FAM234A: variants seen among roughly 807,000 people sequenced by gnomAD.
FAM234A encodes the protein family with sequence similarity 234 member A, also known as protein FAM234A.
A neutral mutation model predicts 49.1 loss-of-function variants in FAM234A; 42 were observed. The observed-to-expected ratio is 0.86, with a 90% CI of 0.67 to 1.11. The LOEUF (loss-of-function observed/expected upper bound fraction) is 1.11. Among genes scored for constraint, FAM234A ranks in the 50% least tolerant of loss-of-function variants. The pLI, the probability that FAM234A is intolerant of heterozygous loss-of-function variation, is 0.00. For synonymous variants in FAM234A, 369 were observed against 316.2 expected (o/e 1.17, Z -1.77); for missense variants, 815 against 745.2 (o/e 1.09, Z -1.09).
At chr16:262,291 C>G in intron 7 of FAM234A, 66 bp downstream of exon 7, 1 of 1,593,218 alleles carries the variant, frequency 6.3e-7, no homozygotes, top group Non-Finnish European at 8.6e-7. Flanking sequence ...TGCGGCTCCT[C>G]AGGTCCTGCT....
intron 1 of FAM234A, among the ~76,000 whole-genome samples, chr16:245,936 G>A (rs962523161): frequency 6.6e-6 from 1 of 152,114 alleles, no homozygotes; most frequent in Non-Finnish European, 1.5e-5. Context: ...GCCAGGCGCA[G>A]TGGCTCACGC....
At position 263,301 on chromosome 16, in the gene FAM234A, C is replaced by T. The variant is rs545859450; in HGVS notation, c.1011C>T (p.Asn337=). ...GCTACCTGATGCATGTCCCAGGGAA[C>T]GCCGGTGCAGATGTGCTTCTTGTGG... is the stretch of plus-strand genomic sequence containing the variant. The part of the protein sequence containing the change: ...AVRYLMHVPG[N]AGADVLLVGS... The change falls in exon 9 of 13, where the codon AAC becomes AAT. Residue 337 remains asparagine, a synonymous_variant. Coordinates refer to ENST00000399932, the MANE Select transcript of FAM234A (RefSeq NM_032039.4). The T allele has an allele frequency of 6.0e-5, 97 of 1,613,196 alleles. No homozygotes were observed. The South Asian group carries it at 6.4e-4, about 11-fold the overall frequency.
rs2051495815 is a variant in FAM234A, at chr16:262,235, T to G, written c.841+10T>G. 1 of 1,613,558 alleles carries G rather than the reference T, an allele frequency of 6.2e-7. No individual in the cohort carries two copies. Among genetic ancestry groups the G allele is most frequent in the African/African-American group, 1.3e-5 (1 of 74,938 alleles). ...ATCCTCTTTCCCTGCGGTACGTTGTTTCTGCCACATCCCTGGCCAGCCTCA... is the reference window on the plus strand; with the variant it reads ...ATCCTCTTTCCCTGCGGTACGTTGTGTCTGCCACATCCCTGGCCAGCCTCA... On this transcript the variant is annotated intron_variant, in intron 7 of 12. Coordinates refer to ENST00000399932, the MANE Select transcript of FAM234A (RefSeq NM_032039.4).
Position 263,303 on chromosome 16 carries a change from C to G in FAM234A, c.1013C>G (p.Ala338Gly), listed in dbSNP as rs749355917. Reference sequence around the variant, plus strand: ...TACCTGATGCATGTCCCAGGGAACGCCGGTGCAGATGTGCTTCTTGTGGGC... The same window carrying G: ...TACCTGATGCATGTCCCAGGGAACGGCGGTGCAGATGTGCTTCTTGTGGGC... ...VRYLMHVPGN[A>G]GADVLLVGSE... The change falls in exon 9 of 13, where the codon GCC (alanine) becomes GGC (glycine). Residue 338 changes from alanine (A) to glycine (G), a missense_variant. Ala to Gly is a moderately conservative substitution (Grantham distance 60). Transcript: ENST00000399932. 6.2e-7 allele frequency: 1 copy of G among 1,613,242 alleles called. No individual in the cohort carries two copies. Among genetic ancestry groups the G allele is most frequent in the Non-Finnish European group, 8.5e-7 (1 of 1,180,012 alleles).
intron 1 of FAM234A, among the ~76,000 whole-genome samples, chr16:245,325 A>G (rs1212358153): frequency 6.6e-6 from 1 of 152,160 alleles, no homozygotes; most frequent in Non-Finnish European, 1.5e-5. Context: ...AGCCTGGGCC[A>G]CAGAGTGAGA....
chr16:236,390 T>TG (rs912322046), intron 1 of FAM234A, among the ~76,000 whole-genome samples: 3 of 148,534 alleles, frequency 2.0e-5, no homozygotes, highest in Non-Finnish European at 4.5e-5. Context: ...TTTGGGAGTT[T>TG]GGGGTAGGCG....
Position 238,176 on chromosome 16 carries a change from G to A in FAM234A, c.-140+3319G>A, listed in dbSNP as rs377141252. 2.0e-4 allele frequency among the ~76,000 whole-genome samples: 31 copies of A among 152,222 alleles called. No homozygotes were observed. The East Asian group carries it at 3.7e-3, about 18-fold the overall frequency. On this transcript the variant is annotated intron_variant, in intron 1 of 12. Transcript: ENST00000399932. The stretch of plus-strand genomic sequence containing the variant: ...TGAGATTACAGGTGTGCATCACCAT[G>A]CCGGGCTAATTTTTGTGTTTTTGGT...
chr16:236,831 C>G (rs1409052305), intron 1 of FAM234A, among the ~76,000 whole-genome samples: 10 of 107,380 alleles, frequency 9.3e-5, no homozygotes, highest in South Asian at 3.0e-4. Context: ...GCGGAAACCC[C>G]GGGGGGCGGA....
At chr16:258,358 T>G (rs1372457111) in intron 3 of FAM234A, among the ~76,000 whole-genome samples, 2 of 152,124 alleles carry the variant, frequency 1.3e-5, no homozygotes, top group Admixed American at 6.6e-5. Flanking sequence ...TGATGACTCT[T>G]AACGAGCATG....
intron 2 of FAM234A, among the ~76,000 whole-genome samples, chr16:251,865 T>C (rs1435768775): frequency 6.6e-6 from 1 of 150,852 alleles, no homozygotes; most frequent in Non-Finnish European, 1.5e-5. Flanking sequence ...TAGCCAGGCA[T>C]GGTGGCGGAC....
At chr16:236,076 C>T (rs1404655151) in intron 1 of FAM234A, among the ~76,000 whole-genome samples, 1 of 152,076 alleles carries the variant, frequency 6.6e-6, no homozygotes, top group Non-Finnish European at 1.5e-5. Flanking sequence ...ACTCAGCCTC[C>T]CAAGTAGCTG....
chr16:267,397 C>G (rs12600243), downstream of FAM234A, among the ~76,000 whole-genome samples: 14 of 152,204 alleles, frequency 9.2e-5, no homozygotes, highest in Non-Finnish European at 1.8e-4. Context: ...CTCCACACAC[C>G]TGGGACCTGC....
intron 2 of FAM234A, among the ~76,000 whole-genome samples, chr16:251,574 C>T (rs1223242721): frequency 1.3e-5 from 2 of 151,428 alleles, no homozygotes; most frequent in South Asian, 2.1e-4. Flanking sequence ...GACAGAGTCT[C>T]GCCACATTGC....
At chr16:260,231 G>T (rs987964960) in intron 5 of FAM234A, 71 bp downstream of exon 5, 1 of 1,428,852 alleles carries the variant, frequency 7.0e-7, no homozygotes, top group Non-Finnish European at 9.8e-7. Flanking sequence ...GAGGGCTAAT[G>T]CCAGGAGGCC....
At chr16:269,665 A>C, downstream of FAM234A, 14 of 1,112,002 alleles carry the variant, frequency 1.3e-5, no homozygotes, top group South Asian at 2.6e-5. Flanking sequence ...GCAGCCAAAC[A>C]TTGCTGGAGC....
chr16:258,697 G>A (rs1409884544), intron 3 of FAM234A, among the ~76,000 whole-genome samples: 4 of 152,192 alleles, frequency 2.6e-5, no homozygotes, highest in African/African-American at 7.2e-5. Flanking sequence ...GTGGTAGCCG[G>A]GCAGAGGGGC....
rs778109257 is a variant in FAM234A at position 254,399 on chromosome 16, T to C, written c.-15T>C. On this transcript the variant is annotated 5_prime_UTR_variant, in exon 3 of 13. Transcript: ENST00000399932. ...GACACAGTGACCAGGAGTTAAACTT[T>C]GGGATGTGCCCGTGATGTTGGACCA... The C allele has an allele frequency of 1.7e-4, 282 of 1,612,876 alleles. 5 individuals carry two copies. In the East Asian group the frequency reaches 6.3e-3, roughly 36 times the overall value.
chr16:263,768 A>G lies in FAM234A; in HGVS notation c.1181A>G (p.Asp394Gly). 2 of 1,613,030 alleles carry G rather than the reference A, an allele frequency of 1.2e-6. No homozygotes were observed. The highest frequency in any genetic ancestry group is 1.7e-6 in the Non-Finnish European group (2 of 1,179,012). Residue 394 changes from aspartate to glycine, a missense_variant, in exon 10 of 13, where the codon GAC becomes GGC. Physicochemically the swap from Asp to Gly is moderately conservative, Grantham distance 94. Transcript: ENST00000399932. ...AVAVENGTGT[D>G]RQILFLDLGT... Reference sequence around the variant, plus strand: ...GCCGTTGAAAACGGAACTGGCACCGACAGACAGGTTCGTTGTTCTTCCTTC... The same window carrying G: ...GCCGTTGAAAACGGAACTGGCACCGGCAGACAGGTTCGTTGTTCTTCCTTC...
At chr16:240,829 A>G (rs1052093662) in intron 1 of FAM234A, among the ~76,000 whole-genome samples, 1 of 152,022 alleles carries the variant, frequency 6.6e-6, no homozygotes, top group African/African-American at 2.4e-5. Flanking sequence ...TCCATTGACA[A>G]AATCTTTTCA....
Sources: allele counts gnomAD v4.1 joint callset (sites outside exome capture counted in the v4.1 genomes callset), GRCh38; gene constraint gnomAD v4.1.1; transcripts MANE v1.5; gene names NCBI Gene and HGNC (gene_info 2026-07-23, HGNC 2026-07-21).